The following TDRD10 variants were observed in gnomAD, a reference collection of about 807,000 sequenced individuals.
TDRD10 encodes the protein tudor domain-containing protein 10.
TDRD10 carries 40 observed loss-of-function variants against 48.0 expected under a neutral mutation model. That is an observed-to-expected ratio of 0.83 (90% CI 0.65 to 1.09). TDRD10 has a LOEUF of 1.09. Ranked by LOEUF, TDRD10 falls within the 50% of genes least tolerant of loss-of-function variation. The pLI, the probability that TDRD10 is intolerant of heterozygous loss-of-function variation, is 0.00. For synonymous variants in TDRD10, 162 were observed against 170.4 expected, an observed-to-expected ratio of 0.95 and a Z score of 0.38; for missense variants, 378 against 434.7, an observed-to-expected ratio of 0.87 and a Z score of 1.16.
intron 4 of TDRD10, among the ~76,000 whole-genome samples, chr1:154,517,979 G>A (rs903771382): frequency 6.6e-6 from 1 of 152,160 alleles, no homozygotes; most frequent in South Asian, 2.1e-4. Flanking sequence ...GTTTGGTGTT[G>A]TCCAACTGTT....
intron 8 of TDRD10, among the ~76,000 whole-genome samples, chr1:154,543,380 C>G (rs1002504751): frequency 2.0e-5 from 3 of 152,216 alleles, no homozygotes; most frequent in African/African-American, 7.2e-5. Context: ...TCATCATGCC[C>G]ACCATGTCCC....
chr1:154,541,566 A>G (rs1330058040), intron 6 of TDRD10, among the ~76,000 whole-genome samples: 1 of 152,020 alleles, frequency 6.6e-6, no homozygotes, highest in Non-Finnish European at 1.5e-5. Context: ...GAGGGAGACC[A>G]GCATGGGTTG....
intron 5 of TDRD10, among the ~76,000 whole-genome samples, chr1:154,520,781 A>C (rs891474189): frequency 1.3e-5 from 2 of 152,202 alleles, no homozygotes; most frequent in African/African-American, 2.4e-5. Context: ...TCTGTCGCTC[A>C]GGCCGGAGTG....
chr1:154,505,337 G>T (rs575536866), intron 1 of TDRD10, among the ~76,000 whole-genome samples: 36 of 152,320 alleles, frequency 2.4e-4, no homozygotes, highest in Non-Finnish European at 4.4e-4. Flanking sequence ...GGCTTGGGAG[G>T]TCTCAGTGCC....
intron 6 of TDRD10, among the ~76,000 whole-genome samples, chr1:154,523,914 C>A (rs1273086324): frequency 6.6e-6 from 1 of 152,204 alleles, no homozygotes; most frequent in Non-Finnish European, 1.5e-5. Context: ...TATGTCCAAT[C>A]TGCTCTTAAG....
At position 154,539,346 on chromosome 1, in the gene TDRD10, G is replaced by A. The variant is rs1695099086; in HGVS notation, c.370-2678G>A. 3.9e-5 allele frequency among the ~76,000 whole-genome samples: 6 copies of A among 151,980 alleles called. No individual in the cohort carries two copies. In the South Asian group the frequency reaches 1.2e-3, roughly 32 times the overall value. On this transcript the variant is annotated intron_variant, in intron 6 of 12. Coordinates refer to ENST00000368482, the MANE Select transcript of TDRD10 (RefSeq NM_182499.4). ...AAACAGAGTCTCACTTTGTCACCCA[G>A]GCTGGAGTGCAATGGCACAATCTCG...
intron 6 of TDRD10, among the ~76,000 whole-genome samples, chr1:154,539,272 C>G (rs937676160): frequency 1.3e-5 from 2 of 152,058 alleles, no homozygotes; most frequent in Admixed American, 6.6e-5. Context: ...AGAATTTGCC[C>G]TAGGTCATTT....
At position 154,533,272 on chromosome 1, in the gene TDRD10, A is replaced by G. The variant is rs184169465; in HGVS notation, c.370-8752A>G. ...TGTTGGTGGCATTTAGCTGGAGTAA[A>G]GGAGTTATTATCTACAAGCTTTCTG... On this transcript the variant is annotated intron_variant, in intron 6 of 12. Transcript: ENST00000368482. Among the ~76,000 whole-genome samples the G allele has an allele frequency of 2.0e-5, 3 of 151,552 alleles. 1 individual carries two copies. In the East Asian group the frequency reaches 5.8e-4, roughly 29 times the overall value.
rs1438774811 is a variant in TDRD10, at chr1:154,542,078, C to T, written c.412+12C>T. On this transcript the variant is annotated intron_variant, in intron 7 of 12. Transcript: ENST00000368482. ...TGGCAAAACCGCCGGTGAGATTCTGCGCTGCCATCCTTTCCCAGGATGTGG... is the reference window on the plus strand; with the variant it reads ...TGGCAAAACCGCCGGTGAGATTCTGTGCTGCCATCCTTTCCCAGGATGTGG... 20 of 1,613,546 alleles carry T rather than the reference C, an allele frequency of 1.2e-5. No homozygotes were observed. In the East Asian group the frequency reaches 2.0e-4, roughly 16 times the overall value.
intron 6 of TDRD10, among the ~76,000 whole-genome samples, chr1:154,524,894 A>G (rs1694233785): frequency 6.6e-6 from 1 of 152,096 alleles, no homozygotes; most frequent in African/African-American, 2.4e-5. Context: ...GCCTCAACCA[A>G]GGACCTGAGG....
intron 7 of TDRD10, 138 bp from the exon 8 acceptor site, chr1:154,542,593 T>G: frequency 5.0e-6 from 3 of 603,846 alleles, no homozygotes; most frequent in Non-Finnish European, 8.8e-6. Flanking sequence ...ATCTAGAGAC[T>G]GAGAAGTTGG....
chr1:154,544,780 C>T lies in TDRD10; in HGVS notation c.798-15C>T. ...CGGAATGATTGTCCTCTGTCTTTCT[C>T]TTTTCCTCTGCCAGGTGTTGGGTGC... On this transcript the variant is annotated splice_polypyrimidine_tract_variant and intron_variant, in intron 10 of 12. Coordinates refer to ENST00000368482, the MANE Select transcript of TDRD10 (RefSeq NM_182499.4). 1.9e-6 allele frequency: 3 copies of T among 1,613,092 alleles called. No individual in the cohort carries two copies. The highest frequency in any genetic ancestry group is 2.5e-6 in the Non-Finnish European group (3 of 1,179,444).
chr1:154,532,429 C>T (rs1694684807), intron 6 of TDRD10, among the ~76,000 whole-genome samples: 7 of 152,210 alleles, frequency 4.6e-5, no homozygotes. Context: ...GCACCGCGCG[C>T]AGCCCTGGTT....
chr1:154,542,587 A>G, intron 7 of TDRD10, 144 bp from the exon 8 acceptor site: 1 of 592,558 alleles, frequency 1.7e-6, no homozygotes. Flanking sequence ...ATGAGAATCT[A>G]GAGACTGAGA....
intron 4 of TDRD10, among the ~76,000 whole-genome samples, chr1:154,517,547 C>T (rs1229905362): frequency 2.0e-5 from 3 of 151,950 alleles, no homozygotes; most frequent in Non-Finnish European, 2.9e-5. Context: ...CTCAGCCTCC[C>T]AAGTAGCTGG....
intron 4 of TDRD10, among the ~76,000 whole-genome samples, chr1:154,509,311 T>C (rs192209419): frequency 6.6e-6 from 1 of 152,308 alleles, no homozygotes; most frequent in Admixed American, 6.5e-5. Context: ...CACTCAATCA[T>C]CTCTGCCTCG....
chr1:154,548,128 A>G lies in TDRD10; in HGVS notation c.*418A>G, dbSNP rs1695706700. The stretch of plus-strand genomic sequence containing the variant: ...AGAATATTTAACCAATGAGCAAATA[A>G]ATGTTGGCATGTTTCATGAGTTTGG... On this transcript the variant is annotated 3_prime_UTR_variant, in exon 13 of 13. Coordinates refer to ENST00000368482, the MANE Select transcript of TDRD10 (RefSeq NM_182499.4). The G allele has an allele frequency of 4.7e-6, 1 of 212,732 alleles. No homozygotes were observed. The highest frequency in any genetic ancestry group is 2.3e-5 in the African/African-American group (1 of 42,810). The allele number at this position is 212,732 out of a possible 1,614,324, so 13.2% of individuals were successfully genotyped here.
At chr1:154,512,287 A>G (rs1242684011) in intron 4 of TDRD10, among the ~76,000 whole-genome samples, 1 of 152,084 alleles carries the variant, frequency 6.6e-6, no homozygotes, top group East Asian at 1.9e-4. Flanking sequence ...GCATGTTTTC[A>G]GTGTTCATTT....
At chr1:154,535,695 A>C (rs779461590) in intron 6 of TDRD10, among the ~76,000 whole-genome samples, 2 of 152,182 alleles carry the variant, frequency 1.3e-5, no homozygotes, top group African/African-American at 2.4e-5. Flanking sequence ...AAAAAGGTTG[A>C]AAAAGACTTG....
Sources: allele counts gnomAD v4.1 joint callset (sites outside exome capture counted in the v4.1 genomes callset), GRCh38; gene constraint gnomAD v4.1.1; transcripts MANE v1.5; gene names NCBI Gene and HGNC (gene_info 2026-07-23, HGNC 2026-07-21).